Variants in EPHX2 observed in about 807,000 individuals in gnomAD.
The protein encoded by EPHX2 is epoxide hydrolase 2.
Under a neutral mutation model 78.7 loss-of-function variants are expected in EPHX2, and 74 were observed. That is an observed-to-expected ratio of 0.94 (90% CI 0.78 to 1.14). EPHX2 has a LOEUF of 1.14. Ranked by LOEUF, EPHX2 falls within the 50% of genes most tolerant of loss-of-function variation. EPHX2 has a pLI of 0.00. For missense variants in EPHX2, 715 were observed against 702.5 expected, an observed-to-expected ratio of 1.02 and a Z score of -0.20; for synonymous variants, 251 against 255.2, an observed-to-expected ratio of 0.98 and a Z score of 0.16.
At chr8:27,496,131 G>A (rs1361513597) in intron 1 of EPHX2, among the ~76,000 whole-genome samples, 4 of 152,206 alleles carry the variant, frequency 2.6e-5, no homozygotes, top group African/African-American at 9.7e-5. Context: ...TGGTTCCTCT[G>A]GCTAAGATTA....
At chr8:27,491,933 C>T (rs1018631018) in intron 1 of EPHX2, among the ~76,000 whole-genome samples, 24 of 151,036 alleles carry the variant, frequency 1.6e-4, no homozygotes, top group African/African-American at 5.6e-4. Context: ...GATTTTCTTT[C>T]TCTCTCTCTT....
At chr8:27,520,753 C>G in intron 9 of EPHX2, 130 bp from the exon 10 acceptor site, 2 of 1,051,010 alleles carry the variant, frequency 1.9e-6, no homozygotes, top group Non-Finnish European at 3.0e-6. Flanking sequence ...CAAAAACAGT[C>G]CCATTCTGAG....
chr8:27,531,573 A>G (rs1189922798), intron 12 of EPHX2, among the ~76,000 whole-genome samples: 1 of 152,194 alleles, frequency 6.6e-6, no homozygotes, highest in Non-Finnish European at 1.5e-5. Flanking sequence ...AGGTAGACGG[A>G]GCATGAAACA....
chr8:27,516,380 G>A lies in EPHX2; in HGVS notation c.892G>A (p.Glu298Lys), dbSNP rs558835876. The change falls in exon 8 of 19, where the codon GAG becomes AAG. Residue 298 changes from glutamate to lysine, a missense_variant. Transcript: ENST00000521400. ...VLAMDMKGYG[E>K]SSAPPEIEEY... ...AGCTATGGACATGAAAGGCTATGGA[G>A]AGTCATCTGCTCCTCCCGGTGGGTG... 4 of 1,614,124 alleles carry A rather than the reference G, an allele frequency of 2.5e-6. No homozygotes were observed. The South Asian group carries it at 4.4e-5, about 18-fold the overall frequency.
chr8:27,543,459 A>G (rs1447304319), intron 16 of EPHX2, among the ~76,000 whole-genome samples: 1 of 152,078 alleles, frequency 6.6e-6, no homozygotes, highest in Non-Finnish European at 1.5e-5. Context: ...ATCTTCATTC[A>G]AGGGTGTCTT....
intron 12 of EPHX2, among the ~76,000 whole-genome samples, chr8:27,526,949 T>G (rs1814866528): frequency 6.6e-6 from 1 of 151,994 alleles, no homozygotes. Context: ...ATTTTTATTT[T>G]ATTTTATTTG....
chr8:27,522,014 T>G (rs1319950448), intron 10 of EPHX2, among the ~76,000 whole-genome samples: 4 of 152,132 alleles, frequency 2.6e-5, no homozygotes, highest in Non-Finnish European at 4.4e-5. Context: ...TTTTAATGGT[T>G]GTTTAAGGGA....
Position 27,516,317 on chromosome 8 carries a change from T to C in EPHX2, c.832-3T>C. 1 of 1,613,612 alleles carries C rather than the reference T, an allele frequency of 6.2e-7. No individual in the cohort carries two copies. Among genetic ancestry groups the C allele is most frequent in the African/African-American group, 1.3e-5 (1 of 74,998 alleles). ...TGCTGGAGTGTGCCTGTTTGTTTTC[T>C]AGATCCCTGCTCTGGCCCAGGCAGG... On this transcript the variant is annotated splice_polypyrimidine_tract_variant and splice_region_variant and intron_variant, in intron 7 of 18. Coordinates refer to ENST00000521400, the MANE Select transcript of EPHX2 (RefSeq NM_001979.6).
At chr8:27,512,250 C>G in intron 6 of EPHX2, 1 of 301,808 alleles carries the variant, frequency 3.3e-6, no homozygotes, top group South Asian at 3.4e-5. Flanking sequence ...TTCTATAAAG[C>G]AGTGTGACTG....
At chr8:27,496,791 G>T (rs1237266901) in intron 1 of EPHX2, among the ~76,000 whole-genome samples, 1 of 152,170 alleles carries the variant, frequency 6.6e-6, no homozygotes, top group Non-Finnish European at 1.5e-5. Flanking sequence ...GATTTGGACT[G>T]GGCAGGCATT....
At position 27,536,823 on chromosome 8, in the gene EPHX2, A is replaced by T. The variant is rs1178740090; in HGVS notation, c.1210A>T (p.Thr404Ser). The T allele has an allele frequency of 6.2e-7, 1 of 1,610,626 alleles. No homozygotes were observed. The highest frequency in any genetic ancestry group is 8.5e-7 in the Non-Finnish European group (1 of 1,177,872). The stretch of plus-strand genomic sequence containing the variant: ...TGAACTGGAACAGAACCTGAGTCGG[A>T]CTTTCAAAAGCCTCTTCAGAGCAAG... ...EAELEQNLSRTFKSLFRASDE... is the reference protein window; with the variant it reads ...EAELEQNLSRSFKSLFRASDE... The change falls in exon 13 of 19, where the codon ACT (threonine) becomes TCT (serine). Residue 404 changes from threonine (T) to serine (S), a missense_variant. Coordinates refer to ENST00000521400, the MANE Select transcript of EPHX2 (RefSeq NM_001979.6).
intron 6 of EPHX2, among the ~76,000 whole-genome samples, chr8:27,514,777 GGCCGGAGCTCACTTGT>G (rs1814387881): frequency 6.6e-6 from 1 of 152,078 alleles, no homozygotes; most frequent in South Asian, 2.1e-4. Context: ...GGGAGACACT[GGCCGGAGCTCACTTGT>G]GCGTCCACAC....
chr8:27,496,851 C>T (rs1813590998), intron 1 of EPHX2, among the ~76,000 whole-genome samples: 1 of 152,060 alleles, frequency 6.6e-6, no homozygotes, highest in African/African-American at 2.4e-5. Flanking sequence ...AGGGTTGATT[C>T]CCTCCTCAAG....
chr8:27,531,090 GAGGAAACCCTTGGC>G (rs1284457146), intron 12 of EPHX2, among the ~76,000 whole-genome samples: 1 of 152,194 alleles, frequency 6.6e-6, no homozygotes, highest in African/African-American at 2.4e-5. Context: ...GCCCTTTATG[GAGGAAACCCTTGGC>G]AGGGTTATTT....
chr8:27,501,076 G>A (rs1186352316), intron 2 of EPHX2, 66 bp downstream of exon 2: 17 of 1,417,688 alleles, frequency 1.2e-5, no homozygotes, highest in East Asian at 9.2e-5. Flanking sequence ...CCATCTCCCC[G>A]AACTTGGGGC....
intron 3 of EPHX2, 93 bp downstream of exon 3, chr8:27,503,856 C>T: frequency 7.0e-7 from 1 of 1,438,154 alleles, no homozygotes; most frequent in South Asian, 1.4e-5. Flanking sequence ...TTTGAGATCA[C>T]AGATCTTCTG....
chr8:27,503,726 C>T lies in EPHX2; in HGVS notation c.309C>T (p.Arg103=). The T allele has an allele frequency of 6.2e-7, 1 of 1,613,386 alleles. No individual in the cohort carries two copies. The highest frequency in any genetic ancestry group is 8.5e-7 in the Non-Finnish European group (1 of 1,179,976). ...DKAISARKIN[R]PMLQAALMLR... is the part of the protein sequence containing the mutation. ...CGATTTCAGCCAGAAAGATCAACCGCCCCATGCTCCAGGCAGCTCTCATGC... is the reference window on the plus strand; with the variant it reads ...CGATTTCAGCCAGAAAGATCAACCGTCCCATGCTCCAGGCAGCTCTCATGC... The change falls in exon 3 of 19, where the codon CGC becomes CGT. Residue 103 remains arginine, a synonymous_variant. Coordinates refer to ENST00000521400, the MANE Select transcript of EPHX2 (RefSeq NM_001979.6).
At chr8:27,516,505 C>A in intron 8 of EPHX2, 107 bp downstream of exon 8, 1 of 1,049,672 alleles carries the variant, frequency 9.5e-7, no homozygotes, top group Non-Finnish European at 1.5e-6. Flanking sequence ...TAGCCTTCCC[C>A]TTAAGAGAGT....
At chr8:27,525,128 A>C (rs1814796657) in intron 11 of EPHX2, among the ~76,000 whole-genome samples, 4 of 138,746 alleles carry the variant, frequency 2.9e-5, no homozygotes, top group Non-Finnish European at 3.1e-5. Flanking sequence ...GCGCGCACCT[A>C]TGTGTCTAAG....
Sources: allele counts gnomAD v4.1 joint callset (sites outside exome capture counted in the v4.1 genomes callset), GRCh38; gene constraint gnomAD v4.1.1; transcripts MANE v1.5; gene names NCBI Gene and HGNC (gene_info 2026-07-23, HGNC 2026-07-21).